The following GPHN variants were observed in gnomAD, a reference collection of about 807,000 sequenced individuals.
The protein encoded by GPHN is gephyrin.
A neutral mutation model predicts 95.5 loss-of-function variants in GPHN; 17 were observed. The observed-to-expected ratio is 0.18, with a 90% confidence interval of 0.12 to 0.27. The LOEUF is 0.27. Among genes scored for constraint, GPHN ranks in the 10% least tolerant of loss-of-function variants. The probability of loss-of-function intolerance (pLI) is 1.00; values close to 1 mark genes in which losing one functional copy is unlikely to be tolerated. For synonymous variants in GPHN, 320 were observed against 322.5 expected (o/e 0.99, Z 0.08); for missense variants, 660 against 978.1 (o/e 0.67, Z 4.34).
chr14:66,791,200 A>G (rs1402022932), intron 3 of GPHN, among the ~76,000 whole-genome samples: 2 of 152,108 alleles, frequency 1.3e-5, no homozygotes, highest in African/African-American at 4.8e-5. Context: ...TGGGTACCCC[A>G]CCACTTACTG....
At chr14:66,671,790 T>C (rs2066319602) in intron 1 of GPHN, among the ~76,000 whole-genome samples, 1 of 152,180 alleles carries the variant, frequency 6.6e-6, no homozygotes, top group South Asian at 2.1e-4. Flanking sequence ...CCCTTTAATG[T>C]CTATGACATC....
At chr14:67,217,935 G>A in the GPHN span, among the ~76,000 whole-genome samples, 1 of 152,144 alleles carries the variant, frequency 6.6e-6, no homozygotes. Flanking sequence ...AGTGTCACAG[G>A]GAAAGACTTA....
intron 1 of GPHN, among the ~76,000 whole-genome samples, chr14:66,555,810 T>C (rs754507291): frequency 6.6e-6 from 1 of 152,174 alleles, no homozygotes; most frequent in Non-Finnish European, 1.5e-5. Context: ...ACCCCTACTT[T>C]AATGGTTTTC....
At chr14:67,680,867 AAACT>A in the GPHN span, among the ~76,000 whole-genome samples, 1 of 152,266 alleles carries the variant, frequency 6.6e-6, no homozygotes, top group Non-Finnish European at 1.5e-5. Flanking sequence ...ACTAATTTCA[AAACT>A]TACTACAATG....
chr14:66,885,733 A>G (rs777798924), intron 5 of GPHN, among the ~76,000 whole-genome samples: 2 of 152,102 alleles, frequency 1.3e-5, no homozygotes, highest in African/African-American at 4.8e-5. Context: ...GGGAATTTAG[A>G]AAGTCACTAT....
the GPHN span, chr14:67,690,141 G>T: frequency 2.9e-5 from 41 of 1,403,852 alleles, no homozygotes; most frequent in Middle Eastern, 2.5e-4. Context: ...TCTGGAAACA[G>T]TTTCCATTCC....
the GPHN span, chr14:67,336,289 C>G: frequency 3.8e-5 from 6 of 156,878 alleles, no homozygotes; most frequent in Non-Finnish European, 8.4e-5. Context: ...CATATATACA[C>G]CTGTCACCAC....
the GPHN span, among the ~76,000 whole-genome samples, chr14:67,295,705 C>T: frequency 6.6e-6 from 1 of 152,278 alleles, no homozygotes; most frequent in Admixed American, 6.5e-5. Context: ...ATTTAAAAGA[C>T]TGTCAGTATT....
At chr14:67,694,440 A>G in the GPHN span, among the ~76,000 whole-genome samples, 1 of 138,640 alleles carries the variant, frequency 7.2e-6, no homozygotes, top group Non-Finnish European at 1.6e-5. Flanking sequence ...GAATATATAT[A>G]TATATATATA....
chr14:67,179,448 T>A, intron 21 of GPHN, 130 bp from the exon 22 acceptor site: 2 of 694,784 alleles, frequency 2.9e-6, no homozygotes, highest in Non-Finnish European at 5.3e-6. Flanking sequence ...AAGGTGGTAG[T>A]GACAGCAACG....
At chr14:67,513,125 T>C in the GPHN span, among the ~76,000 whole-genome samples, 1 of 152,154 alleles carries the variant, frequency 6.6e-6, no homozygotes, top group Admixed American at 6.5e-5. Flanking sequence ...TAGGAGAGTA[T>C]CAATTTCCCA....
At chr14:67,402,725 A>G in the GPHN span, among the ~76,000 whole-genome samples, 1 of 152,170 alleles carries the variant, frequency 6.6e-6, no homozygotes, top group Non-Finnish European at 1.5e-5. Flanking sequence ...AATGACCTCC[A>G]GTTCCATCCA....
the GPHN span, chr14:67,674,265 G>A: frequency 1.2e-4 from 124 of 1,029,592 alleles, no homozygotes; most frequent in African/African-American, 1.9e-3. Flanking sequence ...GCGTGTCTGA[G>A]GACGCGGAGG....
At chr14:67,273,750 G>C in the GPHN span, among the ~76,000 whole-genome samples, 84 of 152,342 alleles carry the variant, frequency 5.5e-4, no homozygotes, top group African/African-American at 1.9e-3. Context: ...CAGTGTAAAA[G>C]TGTTCCTGTT....
chr14:67,666,958 T>A, the GPHN span, among the ~76,000 whole-genome samples: 1 of 152,334 alleles, frequency 6.6e-6, no homozygotes, highest in Middle Eastern at 3.4e-3. Context: ...TTAGAATTGA[T>A]GCTACAATCA....
intron 2 of GPHN, among the ~76,000 whole-genome samples, chr14:66,725,779 C>T (rs1257861630): frequency 1.3e-5 from 2 of 152,120 alleles, no homozygotes; most frequent in Non-Finnish European, 2.9e-5. Context: ...ATTAAAATTC[C>T]ACTAATGCTT....
At chr14:67,643,361 G>C in the GPHN span, among the ~76,000 whole-genome samples, 1 of 152,208 alleles carries the variant, frequency 6.6e-6, no homozygotes. Flanking sequence ...GATTTCACAA[G>C]GGAATGTGAT....
chr14:67,670,033 T>G, the GPHN span, among the ~76,000 whole-genome samples: 1 of 152,186 alleles, frequency 6.6e-6, no homozygotes, highest in Non-Finnish European at 1.5e-5. Flanking sequence ...AAGCCAAGGC[T>G]GCAGTGAGCA....
intron 1 of GPHN, among the ~76,000 whole-genome samples, chr14:66,676,035 G>T (rs2066566584): frequency 6.6e-6 from 1 of 151,664 alleles, no homozygotes; most frequent in South Asian, 2.1e-4. Flanking sequence ...GGAGGGATAT[G>T]TGCAGGTTTG....
Sources: allele counts gnomAD v4.1 joint callset (sites outside exome capture counted in the v4.1 genomes callset), GRCh38; gene constraint gnomAD v4.1.1; transcripts MANE v1.5; gene names NCBI Gene and HGNC (gene_info 2026-07-23, HGNC 2026-07-21).